Variants in GLB1 observed in about 807,000 individuals in gnomAD.
GLB1 encodes galactosidase beta 1.
A neutral mutation model predicts 74.0 loss-of-function variants in GLB1; 56 were observed. The observed-to-expected ratio is 0.76, with a 90% CI of 0.61 to 0.94. The LOEUF is 0.94. GLB1 is among the 40% of genes least tolerant of loss of function. The pLI, the probability that GLB1 is intolerant of heterozygous loss-of-function variation, is 0.00. For missense variants in GLB1, 787 were observed against 845.5 expected (o/e 0.93, Z 0.86); for synonymous variants, 323 against 323.6 (o/e 1.00, Z 0.02).
At chr3:33,089,787 T>C (rs1209862530) in intron 1 of GLB1, among the ~76,000 whole-genome samples, 7 of 152,336 alleles carry the variant, frequency 4.6e-5, no homozygotes, top group Admixed American at 1.3e-4. Context: ...AATGGGTATA[T>C]AGATTTGCAA....
intron 1 of GLB1, among the ~76,000 whole-genome samples, chr3:33,075,728 A>T (rs967296672): frequency 6.6e-6 from 1 of 152,218 alleles, no homozygotes; most frequent in African/African-American, 2.4e-5. Flanking sequence ...GAAACACCCC[A>T]AACTGTGTTT....
In GLB1 at chr3:33,014,205, G is replaced by A; in HGVS notation, c.1585C>T (p.His529Tyr). The A allele has an allele frequency of 8.7e-6, 14 of 1,614,160 alleles. No individual in the cohort carries two copies. The highest frequency in any genetic ancestry group is 1.3e-5 in the African/African-American group (1 of 75,022). Residue 529 changes from histidine to tyrosine, a missense_variant, in exon 15 of 16, where the codon CAC (histidine) becomes TAC (tyrosine). Physicochemically the swap from His to Tyr is moderately conservative, Grantham distance 83. Transcript: ENST00000307363. ...TCATCATGGTGGCCACTGTCACGGT[G>A]TCCCCAGCCCCCCAGGTGGCTGCAC... ...AVCSHLGGWGHRDSGHHDEAW... is the reference protein window; with the variant it reads ...AVCSHLGGWGYRDSGHHDEAW...
chr3:33,043,960 A>T (rs1470513581), intron 10 of GLB1, among the ~76,000 whole-genome samples: 1 of 152,154 alleles, frequency 6.6e-6, no homozygotes, highest in Middle Eastern at 3.2e-3. Flanking sequence ...CCACCTAATA[A>T]CATAACCTCA....
At chr3:32,992,085 G>T (rs931725371), downstream of GLB1, among the ~76,000 whole-genome samples, 1 of 152,242 alleles carries the variant, frequency 6.6e-6, no homozygotes, top group African/African-American at 2.4e-5. Context: ...TCAGAGCACT[G>T]AAGAAGTCCA....
intron 4 of GLB1, among the ~76,000 whole-genome samples, chr3:33,066,181 T>C (rs1228077762): frequency 6.6e-6 from 1 of 152,116 alleles, no homozygotes; most frequent in Non-Finnish European, 1.5e-5. Context: ...TCTGCTATGG[T>C]TGGAATGTTT....
intron 13 of GLB1, 100 bp downstream of exon 13, chr3:33,018,348 G>C: frequency 1.4e-6 from 1 of 722,500 alleles, no homozygotes; most frequent in Non-Finnish European, 2.3e-6. Flanking sequence ...GCCTGAGGCT[G>C]AAAAGGTGAG....
chr3:33,056,697 A>G (rs2125530800), intron 6 of GLB1, among the ~76,000 whole-genome samples: 1 of 152,318 alleles, frequency 6.6e-6, no homozygotes, highest in Non-Finnish European at 1.5e-5. Flanking sequence ...CTAGATATAC[A>G]CTATCAGTTT....
At chr3:33,039,340 G>A (rs1289164406) in intron 10 of GLB1, among the ~76,000 whole-genome samples, 1 of 142,302 alleles carries the variant, frequency 7.0e-6, no homozygotes, top group East Asian at 2.0e-4. Flanking sequence ...AGACCCATAA[G>A]ACATCATGGT....
chr3:33,017,510 G>C (rs1697284380), intron 13 of GLB1, among the ~76,000 whole-genome samples: 1 of 152,154 alleles, frequency 6.6e-6, no homozygotes, highest in African/African-American at 2.4e-5. Context: ...TGAAATGAAA[G>C]CTGTTGATTA....
the GLB1 span, among the ~76,000 whole-genome samples, chr3:32,975,527 C>T: frequency 6.6e-6 from 1 of 152,016 alleles, no homozygotes; most frequent in South Asian, 2.1e-4. Context: ...GGTAGGACAT[C>T]AACAATACCC....
chr3:32,969,847 CAG>C, the GLB1 span, among the ~76,000 whole-genome samples: 32 of 152,368 alleles, frequency 2.1e-4, 1 homozygote, highest in South Asian at 3.9e-3. Flanking sequence ...TGTAAACAAA[CAG>C]TGTTTAACTT....
At chr3:33,052,799 A>G (rs1699049813) in intron 7 of GLB1, 1 of 154,138 alleles carries the variant, frequency 6.5e-6, no homozygotes, top group African/African-American at 2.4e-5. Context: ...GGTCTAGAGA[A>G]CAAAAAAGAA....
At chr3:32,990,896 C>T in the GLB1 span, among the ~76,000 whole-genome samples, 260 of 152,176 alleles carry the variant, frequency 1.7e-3, 2 homozygotes, top group African/African-American at 5.8e-3. Context: ...ATGGCGTGAA[C>T]CCGGGAGGTG....
intron 12 of GLB1, among the ~76,000 whole-genome samples, chr3:33,020,191 T>TG (rs1697410137): frequency 6.6e-6 from 1 of 152,076 alleles, no homozygotes; most frequent in South Asian, 2.1e-4. Flanking sequence ...GTGTGTGTGG[T>TG]GGGGGGACTT....
the GLB1 span, among the ~76,000 whole-genome samples, chr3:32,969,210 G>C: frequency 6.6e-6 from 1 of 152,176 alleles, no homozygotes; most frequent in Non-Finnish European, 1.5e-5. Context: ...TGCAGTCTTT[G>C]CCTACAGAAA....
At chr3:32,970,479 G>A in the GLB1 span, among the ~76,000 whole-genome samples, 1 of 152,274 alleles carries the variant, frequency 6.6e-6, no homozygotes, top group Admixed American at 6.5e-5. Flanking sequence ...TGCAAAAGAT[G>A]CATGGCTAGG....
intron 15 of GLB1, among the ~76,000 whole-genome samples, chr3:33,009,339 C>T (rs959722186): frequency 1.6e-4 from 24 of 151,622 alleles, no homozygotes; most frequent in East Asian, 5.9e-4. Flanking sequence ...CTGGCCAACA[C>T]GGTGAAACCC....
intron 1 of GLB1, chr3:33,091,229 A>C (rs1235142635): frequency 4.1e-6 from 4 of 985,494 alleles, no homozygotes; most frequent in East Asian, 2.3e-4. Flanking sequence ...TCAAAGATAC[A>C]TTTTAAACTG....
intron 10 of GLB1, chr3:33,034,341 C>T: frequency 1.3e-6 from 1 of 756,374 alleles, no homozygotes; most frequent in Admixed American, 1.7e-5. Flanking sequence ...AGCTAGGCCC[C>T]TGCTGTTGTA....
Sources: gnomAD v4.1 joint callset for allele counts (sites outside exome capture counted in the v4.1 genomes callset) on GRCh38, gnomAD v4.1.1 for gene constraint, MANE v1.5 for transcripts, NCBI Gene and HGNC (gene_info 2026-07-23, HGNC 2026-07-21) for gene names.